Variants in PSD3 observed in about 807,000 individuals in gnomAD.
PSD3 encodes PH and SEC7 domain-containing protein 3.
In PSD3, 49 loss-of-function variants were observed where a neutral mutation model predicts 105.5. The observed-to-expected ratio is 0.46, with a 90% confidence interval of 0.37 to 0.59. The LOEUF is 0.59. PSD3 is among the 20% of genes least tolerant of loss of function. The pLI, the probability that PSD3 is intolerant of heterozygous loss-of-function variation, is 0.00. For synonymous variants in PSD3, 557 were observed against 457.8 expected, an observed-to-expected ratio of 1.22 and a Z score of -2.77; for missense variants, 1,561 against 1,263.8, an observed-to-expected ratio of 1.24 and a Z score of -3.57.
chr8:18,825,744 C>A (rs1347270011), intron 4 of PSD3, among the ~76,000 whole-genome samples: 7 of 152,208 alleles, frequency 4.6e-5, no homozygotes, highest in African/African-American at 1.4e-4. Flanking sequence ...TCCCTAACCT[C>A]CACACGCAAC....
chr8:18,676,050 C>G (rs1800046899), intron 9 of PSD3, among the ~76,000 whole-genome samples: 1 of 152,162 alleles, frequency 6.6e-6, no homozygotes, highest in Non-Finnish European at 1.5e-5. Context: ...ACTCCCTGAT[C>G]TTCGGCAGTG....
At chr8:18,845,489 C>T (rs182869529) in intron 4 of PSD3, among the ~76,000 whole-genome samples, 10 of 152,332 alleles carry the variant, frequency 6.6e-5, no homozygotes, top group Middle Eastern at 3.4e-3. Flanking sequence ...AAGACAGGTG[C>T]GTCCACACTG....
Position 18,936,127 on chromosome 8 carries a change from A to C in PSD3, c.37T>G (p.Trp13Gly), listed in dbSNP as rs1255196284. The change falls in exon 2 of 16, where the codon TGG (tryptophan) becomes GGG (glycine). Residue 13 changes from tryptophan (W) to glycine (G), a missense_variant. Transcript: ENST00000327040. ...GAATGTGCAGATGCATTGTTCACCC[A>C]AACAAATGTCTCTGCCTGCAAAATA... ...GRSAAAETFV[W>G]VNNASAHSQS... 1 of 1,611,776 alleles carries C rather than the reference A, an allele frequency of 6.2e-7. No individual in the cohort carries two copies. The highest frequency in any genetic ancestry group is 2.2e-5 in the East Asian group (1 of 44,852).
intron 1 of PSD3, among the ~76,000 whole-genome samples, chr8:19,081,049 A>C (rs917284478): frequency 1.3e-5 from 2 of 152,202 alleles, no homozygotes; most frequent in Middle Eastern, 3.2e-3. Context: ...AAATGTGAAC[A>C]GTTCCCTGGG....
At chr8:19,051,206 C>G (rs1326926031) in intron 1 of PSD3, among the ~76,000 whole-genome samples, 3 of 152,126 alleles carry the variant, frequency 2.0e-5, no homozygotes, top group Non-Finnish European at 4.4e-5. Flanking sequence ...CCCTCTGGTC[C>G]CAATCGGGGG....
intron 14 of PSD3, among the ~76,000 whole-genome samples, chr8:18,566,418 C>A (rs1045084545): frequency 6.6e-6 from 1 of 151,066 alleles, no homozygotes; most frequent in Non-Finnish European, 1.5e-5. Context: ...CCCAGCTACT[C>A]GAGAGGCTGA....
At chr8:18,565,179 A>AT (rs1450156201) in intron 14 of PSD3, among the ~76,000 whole-genome samples, 1 of 152,050 alleles carries the variant, frequency 6.6e-6, no homozygotes, top group Non-Finnish European at 1.5e-5. Flanking sequence ...GGAAATGTGC[A>AT]TTTTCTGCAA....
chr8:18,841,648 T>C (rs1293863902), intron 4 of PSD3, among the ~76,000 whole-genome samples: 1 of 152,112 alleles, frequency 6.6e-6, no homozygotes, highest in African/African-American at 2.4e-5. Context: ...TATCAACCAG[T>C]CATGCCTAGG....
At chr8:19,048,611 T>C (rs1040783742) in intron 1 of PSD3, among the ~76,000 whole-genome samples, 2 of 152,066 alleles carry the variant, frequency 1.3e-5, no homozygotes, top group African/African-American at 2.4e-5. Flanking sequence ...CCAATAAACA[T>C]GAGAACTGTG....
intron 1 of PSD3, 21 bp downstream of exon 1, chr8:19,013,542 C>T: frequency 6.4e-7 from 1 of 1,572,688 alleles, no homozygotes; most frequent in Admixed American, 1.7e-5. Context: ...CCCGCGCCCG[C>T]GCCCCGGCCC....
intron 8 of PSD3, among the ~76,000 whole-genome samples, chr8:18,788,987 C>G (rs2129446082): frequency 6.6e-6 from 1 of 152,234 alleles, no homozygotes. Context: ...ATTCAATGTG[C>G]TCTCTCACAA....
At chr8:18,747,206 G>A (rs1805103322) in intron 9 of PSD3, among the ~76,000 whole-genome samples, 1 of 152,216 alleles carries the variant, frequency 6.6e-6, no homozygotes. Flanking sequence ...AAAAATGTAT[G>A]TGGGTACCTG....
intron 1 of PSD3, among the ~76,000 whole-genome samples, chr8:19,079,441 A>G (rs1829571446): frequency 6.6e-6 from 1 of 152,158 alleles, no homozygotes; most frequent in African/African-American, 2.4e-5. Context: ...TTCTTTTATA[A>G]AATTCTAAAT....
At position 18,867,798 on chromosome 8, in the gene PSD3, T is replaced by A; in HGVS notation, c.1510A>T (p.Ile504Phe). 1.4e-5 allele frequency: 23 copies of A among 1,614,154 alleles called. No homozygotes were observed. The highest frequency in any genetic ancestry group is 1.9e-5 in the Non-Finnish European group (23 of 1,180,020). ...CCACCATCTGCAGACACACTCAGGA[T>A]ATCCTGATGTCCTCCCCCTGATGTC... ...ERTSGGGHQD[I>F]LSVSADGGIV... Residue 504 changes from isoleucine (I) to phenylalanine (F), a missense_variant, in exon 4 of 16, where the codon ATC (isoleucine) becomes TTC (phenylalanine). By Grantham distance (21) the Ile-to-Phe change is conservative. Transcript: ENST00000327040.
chr8:18,595,007 G>C (rs1353294164), intron 12 of PSD3, among the ~76,000 whole-genome samples: 2 of 151,906 alleles, frequency 1.3e-5, no homozygotes, highest in African/African-American at 4.8e-5. Context: ...TGTAATAGTG[G>C]TGTGTAAATG....
intron 6 of PSD3, among the ~76,000 whole-genome samples, chr8:18,802,971 T>A (rs1188163934): frequency 6.6e-6 from 1 of 152,160 alleles, no homozygotes; most frequent in African/African-American, 2.4e-5. Flanking sequence ...ACTGAAGAGT[T>A]AATTCCAAAG....
intron 14 of PSD3, among the ~76,000 whole-genome samples, chr8:18,561,900 C>T (rs1028712529): frequency 2.6e-5 from 4 of 152,088 alleles, no homozygotes; most frequent in South Asian, 2.1e-4. Context: ...CCTTCTCCCC[C>T]GGTGCAAAGC....
chr8:19,041,750 G>T (rs1359489279), intron 1 of PSD3, among the ~76,000 whole-genome samples: 1 of 152,182 alleles, frequency 6.6e-6, no homozygotes, highest in Non-Finnish European at 1.5e-5. Flanking sequence ...TGAACAACAA[G>T]CATTCCTCTG....
Position 19,019,270 on chromosome 8 carries a change from A to G in PSD3, c.324+64936T>C, listed in dbSNP as rs140506539. 5.3e-5 allele frequency among the ~76,000 whole-genome samples: 8 copies of G among 152,294 alleles called. No homozygotes were observed. The East Asian group carries it at 1.2e-3, about 22-fold the overall frequency. ...CAACTCATTTTTTTTTATCTCTATTATGAGTTTTGCCATTTCACAGATGTG... is the reference window on the plus strand; with the variant it reads ...CAACTCATTTTTTTTTATCTCTATTGTGAGTTTTGCCATTTCACAGATGTG... On this transcript the variant is annotated intron_variant, in intron 1 of 1. Transcript: ENST00000521475.
Sources: allele counts gnomAD v4.1 joint callset (sites outside exome capture counted in the v4.1 genomes callset), GRCh38; gene constraint gnomAD v4.1.1; transcripts MANE v1.5; gene names NCBI Gene and HGNC (gene_info 2026-07-23, HGNC 2026-07-21).